The following NRK variants were observed in gnomAD, a reference collection of about 807,000 sequenced individuals.
The protein encoded by NRK is Nik related kinase, also known as nik-related protein kinase.
In NRK, 67 loss-of-function variants were observed where a neutral mutation model predicts 125.2. The ratio of observed to expected loss-of-function variants is 0.54; its 90% CI spans 0.44 to 0.66. NRK has a LOEUF of 0.66. Ranked by LOEUF, NRK falls within the 30% of genes least tolerant of loss-of-function variation. The probability of loss-of-function intolerance (pLI) is 0.00; values close to 1 mark genes in which losing one functional copy is unlikely to be tolerated. For synonymous variants in NRK, 458 were observed against 429.0 expected (o/e 1.07, Z -0.84); for missense variants, 1,224 against 1,192.9 (o/e 1.03, Z -0.38).
intron 19 of NRK, among the ~76,000 whole-genome samples, chrX:105,933,701 G>A (rs951488893): frequency 1.8e-5 from 2 of 111,402 alleles, no homozygotes; most frequent in African/African-American, 6.5e-5. Flanking sequence ...TTTCAGTTTT[G>A]TGAAGATACC....
chrX:105,934,066 C>T (rs1395907144), intron 19 of NRK, among the ~76,000 whole-genome samples, 192 bp from the exon 20 acceptor site: 1 of 111,255 alleles, frequency 9.0e-6, no homozygotes, highest in East Asian at 2.8e-4. Context: ...CCTGTACCAT[C>T]AGTCATCTCA....
At position 105,822,907 on chromosome X, in the gene NRK, G is replaced by T. The variant is rs1172620515; in HGVS notation, c.57+5G>T. The T allele has an allele frequency of 8.6e-7, 1 of 1,160,476 alleles. No homozygotes were observed. The highest frequency in any genetic ancestry group is 2.6e-5 in the Admixed American group (1 of 39,055). On this transcript the variant is annotated splice_donor_5th_base_variant and intron_variant, in intron 1 of 28. Transcript: ENST00000243300. ...ACGGATCTGGGCCACCTGCCGGTGA[G>T]TAGAGGACGCCCGTCGCCCCCCGAA...
At chrX:105,910,126 CTAT>C (rs1406097640) in intron 13 of NRK, among the ~76,000 whole-genome samples, 1 of 111,605 alleles carries the variant, frequency 9.0e-6, no homozygotes, top group African/African-American at 3.3e-5. Context: ...AGTTTTCTGT[CTAT>C]TATTCTTTAA....
At chrX:105,836,379 T>C (rs941532776) in intron 2 of NRK, among the ~76,000 whole-genome samples, 2 of 111,858 alleles carry the variant, frequency 1.8e-5, no homozygotes, top group African/African-American at 6.5e-5. Context: ...GAGAACAATT[T>C]CTAACATCAG....
intron 23 of NRK, among the ~76,000 whole-genome samples, chrX:105,942,024 A>G (rs1048760293): frequency 1.8e-5 from 2 of 111,638 alleles, no homozygotes; most frequent in African/African-American, 6.5e-5. Context: ...GACTATTACT[A>G]TAAATGGAAC....
chrX:105,937,803 A>G (rs958244348), intron 22 of NRK, among the ~76,000 whole-genome samples: 3 of 111,713 alleles, frequency 2.7e-5, no homozygotes, highest in Non-Finnish European at 5.7e-5. Context: ...TGATAAGAAA[A>G]ACCACAACAT....
intron 2 of NRK, among the ~76,000 whole-genome samples, chrX:105,876,305 G>T (rs921271588): frequency 2.7e-5 from 3 of 111,190 alleles, no homozygotes; most frequent in African/African-American, 9.8e-5. Context: ...TAAGCATGCA[G>T]TGTAATGCAT....
intron 2 of NRK, among the ~76,000 whole-genome samples, chrX:105,858,806 G>C (rs910715097): frequency 1.8e-5 from 2 of 111,261 alleles, no homozygotes; most frequent in Admixed American, 1.9e-4. Context: ...ACATCTGTTC[G>C]CCTATATTAG....
chrX:105,858,940 T>C (rs1387418226), intron 2 of NRK, among the ~76,000 whole-genome samples: 1 of 111,481 alleles, frequency 9.0e-6, no homozygotes, highest in African/African-American at 3.3e-5. Flanking sequence ...TTACAGTTTT[T>C]AGGGTTTTTT....
chrX:105,893,297 T>C (rs960347978), intron 5 of NRK, among the ~76,000 whole-genome samples: 1 of 111,915 alleles, frequency 8.9e-6, no homozygotes, highest in African/African-American at 3.2e-5. Flanking sequence ...GCCAGTATCT[T>C]GAAGAAAATA....
intron 2 of NRK, among the ~76,000 whole-genome samples, chrX:105,864,418 TA>T (rs1031465728): frequency 9.0e-6 from 1 of 111,011 alleles, no homozygotes; most frequent in Non-Finnish European, 1.9e-5. Context: ...TCTTTTAAAA[TA>T]AAAAAAATTA....
rs140198638 is a variant in NRK, at chrX:105,945,223, G to T, written c.4060-649G>T. On this transcript the variant is annotated intron_variant, in intron 24 of 28. Coordinates refer to ENST00000243300, the MANE Select transcript of NRK (RefSeq NM_198465.4). ...TTGATATTTTTAGCAGATGTTCCAGGTGATTTTTAACTAGTTGATCCATAG... is the reference window on the plus strand; with the variant it reads ...TTGATATTTTTAGCAGATGTTCCAGTTGATTTTTAACTAGTTGATCCATAG... Among the ~76,000 whole-genome samples, 5 of 111,532 alleles carry T rather than the reference G, an allele frequency of 4.5e-5. No individual in the cohort carries two copies. In the East Asian group the frequency reaches 1.1e-3, roughly 25 times the overall value.
intron 19 of NRK, among the ~76,000 whole-genome samples, chrX:105,928,351 T>C (rs1488472877): frequency 9.0e-6 from 1 of 111,331 alleles, no homozygotes; most frequent in African/African-American, 3.3e-5. Context: ...CTTTTTTGTT[T>C]CTGATTTTAT....
intron 1 of NRK, among the ~76,000 whole-genome samples, chrX:105,827,227 C>A (rs1008625074): frequency 1.8e-5 from 2 of 111,500 alleles, no homozygotes; most frequent in African/African-American, 6.5e-5. Flanking sequence ...TGTTCTCTCT[C>A]CATAAACTCT....
In NRK at chrX:105,925,003, C is replaced by T. The variant is rs766795248; in HGVS notation, c.3284C>T (p.Ala1095Val). The change falls in exon 19 of 29, where the codon GCG becomes GTG. Residue 1095 changes from alanine to valine, a missense_variant. Transcript: ENST00000243300. The part of the protein sequence containing the change: ...ETDGPGLKRP[A>V]SQDFEYLQEE... ...GATGGTCCAGGATTGAAGAGACCTG[C>T]GTCTCAGGACTTTGAATATCTACAG... 1.1e-5 allele frequency: 13 copies of T among 1,206,651 alleles called. No individual in the cohort carries two copies. The highest frequency in any genetic ancestry group is 3.5e-5 in the African/African-American group (2 of 57,640).
chrX:105,881,129 T>C (rs2039879368), intron 3 of NRK, among the ~76,000 whole-genome samples: 1 of 109,920 alleles, frequency 9.1e-6, no homozygotes, highest in Non-Finnish European at 1.9e-5. Context: ...AGTATAATAA[T>C]AAAAAAAGAA....
chrX:105,913,925 A>T (rs2040333228), intron 14 of NRK, among the ~76,000 whole-genome samples: 1 of 111,049 alleles, frequency 9.0e-6, no homozygotes, highest in Non-Finnish European at 1.9e-5. Context: ...GAGTATATTA[A>T]TAGTATCCTA....
intron 9 of NRK, among the ~76,000 whole-genome samples, chrX:105,901,934 T>G (rs915663237): frequency 1.8e-5 from 2 of 110,764 alleles, no homozygotes; most frequent in African/African-American, 6.6e-5. Flanking sequence ...TATGTTAAAT[T>G]GAGCAGCAGC....
chrX:105,890,802 A>G (rs768930461), intron 5 of NRK, among the ~76,000 whole-genome samples: 18 of 111,675 alleles, frequency 1.6e-4, no homozygotes, highest in Non-Finnish European at 2.8e-4. Flanking sequence ...GGGAGCTACA[A>G]TTCAAGATGA....
Sources: gnomAD v4.1 joint callset for allele counts (sites outside exome capture counted in the v4.1 genomes callset) on GRCh38, gnomAD v4.1.1 for gene constraint, MANE v1.5 for transcripts, NCBI Gene and HGNC (gene_info 2026-07-23, HGNC 2026-07-21) for gene names.